Variants in SPAG16 observed in about 807,000 individuals in gnomAD.
The protein encoded by SPAG16 is sperm associated antigen 16, also known as sperm-associated antigen 16 protein.
Under a neutral mutation model 80.4 loss-of-function variants are expected in SPAG16, and 86 were observed. That is an observed-to-expected ratio of 1.07 (90% CI 0.90 to 1.28). SPAG16 has a LOEUF of 1.28. Ranked by LOEUF, SPAG16 falls within the 50% of genes most tolerant of loss-of-function variation. SPAG16 has a pLI of 0.00. For synonymous variants in SPAG16, 294 were observed against 265.9 expected (o/e 1.11, Z -1.03); for missense variants, 870 against 765.3 (o/e 1.14, Z -1.61).
At chr2:214,149,027 T>C (rs1486657111) in intron 14 of SPAG16, 113 bp from the exon 15 acceptor site, 1 of 333,780 alleles carries the variant, frequency 3.0e-6, no homozygotes, top group Admixed American at 5.7e-5. Flanking sequence ...TTACTATATG[T>C]ATTTGTATAT....
chr2:213,468,461 CTCTATGTATTTATATATAGATATATA>C (rs1559162818), intron 9 of SPAG16, among the ~76,000 whole-genome samples: 1,647 of 114,944 alleles, frequency 0.014, 24 homozygotes, highest in South Asian at 0.033. Context: ...ATATATATAT[CTCTATGTATTTATATATAGATATATA>C]TATGTATTTA....
chr2:214,180,353 AC>A (rs34464590), intron 15 of SPAG16, among the ~76,000 whole-genome samples: 45,293 of 151,560 alleles, frequency 0.3, 8,462 homozygotes, highest in Non-Finnish European at 0.41. Context: ...ATATGTTGCC[AC>A]AGTGATCTAT....
chr2:213,588,488 T>A (rs926310253), intron 10 of SPAG16, among the ~76,000 whole-genome samples: 1 of 150,450 alleles, frequency 6.6e-6, no homozygotes, highest in African/African-American at 2.4e-5. Context: ...AAAAGTACAA[T>A]ATAGTGATAT....
intron 10 of SPAG16, among the ~76,000 whole-genome samples, chr2:213,761,600 G>A (rs1260060144): frequency 2.0e-5 from 3 of 152,094 alleles, no homozygotes; most frequent in Non-Finnish European, 2.9e-5. Flanking sequence ...GGTGGCTCAC[G>A]CCTGTAATCT....
chr2:213,868,036 A>G (rs759198770), intron 11 of SPAG16, among the ~76,000 whole-genome samples: 5 of 151,906 alleles, frequency 3.3e-5, no homozygotes, highest in Non-Finnish European at 7.4e-5. Context: ...ATTATACCAA[A>G]CTCTGTTGGA....
chr2:213,334,014 C>T (rs557832277), intron 5 of SPAG16, among the ~76,000 whole-genome samples: 2 of 152,076 alleles, frequency 1.3e-5, no homozygotes, highest in African/African-American at 4.8e-5. Flanking sequence ...AGGGAATAAT[C>T]AACAAAGTGA....
chr2:213,322,022 A>G (rs1306765271), intron 5 of SPAG16, among the ~76,000 whole-genome samples: 3 of 151,918 alleles, frequency 2.0e-5, no homozygotes, highest in African/African-American at 4.8e-5. Context: ...ATGTATACAT[A>G]TGTAACTAAC....
chr2:213,592,744 C>T (rs73988560), intron 10 of SPAG16, among the ~76,000 whole-genome samples: 1,757 of 152,208 alleles, frequency 0.012, 35 homozygotes, highest in African/African-American at 0.039. Context: ...AATGAAGTTC[C>T]TTGCTGTGCA....
intron 11 of SPAG16, among the ~76,000 whole-genome samples, chr2:213,920,789 G>A (rs553604747): frequency 3.3e-5 from 5 of 152,340 alleles, no homozygotes; most frequent in Admixed American, 1.3e-4. Context: ...AGCATGTCGA[G>A]CCTACAGGGA....
At chr2:214,165,231 A>C (rs1239585240) in intron 15 of SPAG16, among the ~76,000 whole-genome samples, 1 of 152,076 alleles carries the variant, frequency 6.6e-6, no homozygotes. Flanking sequence ...AAACTATTAT[A>C]TCAGTGAGAA....
In SPAG16 at chr2:214,126,342, G is replaced by A. The variant is rs146434580; in HGVS notation, c.1593+18081G>A. On this transcript the variant is annotated intron_variant, in intron 14 of 15. Transcript: ENST00000331683. ...AGAAGGAGGGTCGGAAGACAGGAAGGTGGAGAAGGTCAGAGGCCCTTCCAA... is the reference window on the plus strand; with the variant it reads ...AGAAGGAGGGTCGGAAGACAGGAAGATGGAGAAGGTCAGAGGCCCTTCCAA... Among the ~76,000 whole-genome samples the A allele has an allele frequency of 2.5e-3, 380 of 151,512 alleles. 2 individuals carry two copies. Among genetic ancestry groups the A allele is most frequent in the African/African-American group, 8.7e-3 (359 of 41,488 alleles).
At chr2:213,863,944 A>G (rs1029295935) in intron 11 of SPAG16, among the ~76,000 whole-genome samples, 5 of 152,172 alleles carry the variant, frequency 3.3e-5, no homozygotes, top group African/African-American at 9.7e-5. Context: ...AAATACTGCT[A>G]TACTGTTTGC....
intron 5 of SPAG16, among the ~76,000 whole-genome samples, chr2:213,321,318 T>C (rs1348663316): frequency 2.0e-5 from 3 of 152,056 alleles, no homozygotes; most frequent in Non-Finnish European, 4.4e-5. Flanking sequence ...TTCAAATACC[T>C]GGCTTCTAAT....
intron 10 of SPAG16, among the ~76,000 whole-genome samples, chr2:213,804,420 G>A (rs2071612662): frequency 6.6e-6 from 1 of 152,124 alleles, no homozygotes; most frequent in South Asian, 2.1e-4. Context: ...ACTGTGGCTG[G>A]CGCCTGTAAT....
At chr2:213,594,402 T>C (rs1332779715) in intron 10 of SPAG16, among the ~76,000 whole-genome samples, 1 of 152,210 alleles carries the variant, frequency 6.6e-6, no homozygotes, top group Non-Finnish European at 1.5e-5. Flanking sequence ...TGGGCTAACA[T>C]AATAGCTCCT....
At chr2:213,608,193 CT>C (rs2061329305) in intron 10 of SPAG16, among the ~76,000 whole-genome samples, 1 of 152,042 alleles carries the variant, frequency 6.6e-6, no homozygotes. Context: ...TATTATTATA[CT>C]TTAAGTTTTA....
At chr2:214,132,052 A>C (rs925456893) in intron 14 of SPAG16, among the ~76,000 whole-genome samples, 1 of 152,214 alleles carries the variant, frequency 6.6e-6, no homozygotes, top group Non-Finnish European at 1.5e-5. Context: ...AGGACATATG[A>C]GAAATCTTCA....
intron 13 of SPAG16, among the ~76,000 whole-genome samples, chr2:214,087,527 G>A (rs10490491): frequency 6.6e-6 from 1 of 151,992 alleles, no homozygotes; most frequent in Non-Finnish European, 1.5e-5. Context: ...TCTAAAAGAT[G>A]TCACATGATA....
chr2:213,743,850 C>T (rs2067691738), intron 10 of SPAG16, among the ~76,000 whole-genome samples: 1 of 152,162 alleles, frequency 6.6e-6, no homozygotes, highest in Non-Finnish European at 1.5e-5. Context: ...TCCCACTGTT[C>T]TCCTTTTAAA....
Sources: allele counts gnomAD v4.1 joint callset (sites outside exome capture counted in the v4.1 genomes callset), GRCh38; gene constraint gnomAD v4.1.1; transcripts MANE v1.5; gene names NCBI Gene and HGNC (gene_info 2026-07-23, HGNC 2026-07-21).